Variants in SNW1 observed in about 807,000 individuals in gnomAD.
SNW1 encodes the protein SNW domain-containing protein 1.
In SNW1, 9 loss-of-function variants were observed where a neutral mutation model predicts 75.6. That is an observed-to-expected ratio of 0.12 (90% confidence interval 0.07 to 0.21). The LOEUF is 0.21. Among genes scored for constraint, SNW1 ranks in the 10% least tolerant of loss-of-function variants. The pLI is 1.00. For missense variants in SNW1, 409 were observed against 670.9 expected (o/e 0.61, Z 4.31); for synonymous variants, 200 against 219.1 (o/e 0.91, Z 0.77).
intron 1 of SNW1, among the ~76,000 whole-genome samples, chr14:77,757,916 A>AGTC (rs2080853583): frequency 7.2e-6 from 1 of 138,506 alleles, no homozygotes; most frequent in African/African-American, 2.8e-5. Context: ...AAATCAATCT[A>AGTC]ATCATCTATC....
intron 10 of SNW1, among the ~76,000 whole-genome samples, chr14:77,723,706 A>G (rs150884199): frequency 0.17 from 25,391 of 151,848 alleles, 2,440 homozygotes; most frequent in Non-Finnish European, 0.22. Context: ...CCAGGCTGGA[A>G]TGCAGTGGCG....
At chr14:77,754,039 TATTTTTA>T (rs2080826769) in intron 2 of SNW1, among the ~76,000 whole-genome samples, 1 of 151,956 alleles carries the variant, frequency 6.6e-6, no homozygotes. Flanking sequence ...TTGTTCTTTT[TATTTTTA>T]TTTTTTATTT....
At chr14:77,750,697 T>C (rs1317206007) in intron 3 of SNW1, among the ~76,000 whole-genome samples, 1 of 152,114 alleles carries the variant, frequency 6.6e-6, no homozygotes, top group African/African-American at 2.4e-5. Flanking sequence ...TTCTTAAAAA[T>C]AGTTCCTTGG....
intron 12 of SNW1, chr14:77,720,386 C>T (rs1258107188): frequency 4.2e-5 from 27 of 637,444 alleles, no homozygotes; most frequent in Middle Eastern, 5.0e-4. Context: ...CTGCCCGCTT[C>T]GGCCTCCAAA....
At chr14:77,725,133 T>A (rs903524246) in intron 10 of SNW1, among the ~76,000 whole-genome samples, 3 of 152,248 alleles carry the variant, frequency 2.0e-5, no homozygotes, top group Non-Finnish European at 2.9e-5. Context: ...CTGTTGGCCA[T>A]AAGTATGTCT....
intron 3 of SNW1, among the ~76,000 whole-genome samples, chr14:77,739,977 A>G (rs1017643750): frequency 2.0e-5 from 3 of 151,946 alleles, no homozygotes; most frequent in Admixed American, 2.0e-4. Flanking sequence ...TACTAAAAAT[A>G]CAAAAAATTA....
chr14:77,746,746 G>A (rs1467693748), intron 3 of SNW1, among the ~76,000 whole-genome samples: 1 of 151,666 alleles, frequency 6.6e-6, no homozygotes, highest in Non-Finnish European at 1.5e-5. Flanking sequence ...TGTCAAATGT[G>A]TTAAGTAAAA....
At position 77,720,702 on chromosome 14, in the gene SNW1, A is replaced by AAC; in HGVS notation, c.1248+7_1248+8dup. 1 of 1,564,972 alleles carries AAC rather than the reference A, an allele frequency of 6.4e-7. No individual in the cohort carries two copies. The highest frequency in any genetic ancestry group is 2.2e-5 in the East Asian group (1 of 44,614). Reference sequence around the variant, plus strand: ...CAACACACACAATATGCTGTTCCTAAACTTGTACCTTGGATTGGTTGAAGA... The same window carrying AAC: ...CAACACACACAATATGCTGTTCCTAAACACTTGTACCTTGGATTGGTTGAAGA... On this transcript the variant is annotated intron_variant, in intron 12 of 13. Transcript: ENST00000261531.
rs552233523 is a variant in SNW1 at position 77,741,997 on chromosome 14, G to A, written c.331-2936C>T. Among the ~76,000 whole-genome samples, 3 of 151,914 alleles carry A rather than the reference G, an allele frequency of 2.0e-5. No individual in the cohort carries two copies. The South Asian group carries it at 6.2e-4, about 32-fold the overall frequency. Reference sequence around the variant, plus strand: ...AGGCTGAGTGAAGGACATCTGAAGAGCAAGATTCCTCCATAGTAATTAATT... The same window carrying A: ...AGGCTGAGTGAAGGACATCTGAAGAACAAGATTCCTCCATAGTAATTAATT... On this transcript the variant is annotated intron_variant, in intron 3 of 13. Transcript: ENST00000261531.
intron 9 of SNW1, 66 bp from the exon 10 acceptor site, chr14:77,731,195 A>T (rs2139903115): frequency 6.6e-7 from 1 of 1,523,950 alleles, no homozygotes; most frequent in East Asian, 2.3e-5. Flanking sequence ...CTATCATCCA[A>T]CTCCCTAACA....
intron 3 of SNW1, among the ~76,000 whole-genome samples, chr14:77,746,192 C>T (rs1441152837): frequency 6.6e-6 from 1 of 152,172 alleles, no homozygotes; most frequent in Non-Finnish European, 1.5e-5. Flanking sequence ...AGTCCTTACC[C>T]TAAAGACCAT....
rs751072475 is a variant in SNW1, at chr14:77,739,104, CG to C, written c.331-44del. ...AAGCAGGCTTAAGAAAAGCAAACAA[CG>C]AAAAGAAACCTCATTAGCCATTTCA... On this transcript the variant is annotated intron_variant, in intron 3 of 13. Transcript: ENST00000261531. The C allele has an allele frequency of 2.8e-6, 4 of 1,431,434 alleles. No individual in the cohort carries two copies. The South Asian group carries it at 4.6e-5, about 16-fold the overall frequency. The allele number at this position is 1,431,434 out of a possible 1,614,324, so 88.7% of individuals were successfully genotyped here.
chr14:77,735,891 A>AT, intron 7 of SNW1, 46 bp downstream of exon 7: 1 of 1,477,532 alleles, frequency 6.8e-7, no homozygotes, highest in East Asian at 2.3e-5. Context: ...TATAAAATTA[A>AT]TAACCATGAG....
At chr14:77,735,068 C>T in intron 7 of SNW1, 56 bp from the exon 8 acceptor site, 1 of 1,283,666 alleles carries the variant, frequency 7.8e-7, no homozygotes, top group Non-Finnish European at 1.1e-6. Flanking sequence ...CAAAGTAAAT[C>T]TAAGTATAAT....
At chr14:77,730,228 C>T (rs770359415) in intron 10 of SNW1, among the ~76,000 whole-genome samples, 8 of 152,150 alleles carry the variant, frequency 5.3e-5, no homozygotes, top group Non-Finnish European at 8.8e-5. Context: ...ATCCTCTTTC[C>T]CTGTATTATT....
rs140337892 is a variant in SNW1 at position 77,732,789 on chromosome 14, C to T, written c.775-188G>A. Among the ~76,000 whole-genome samples the T allele has an allele frequency of 8.5e-4, 130 of 152,256 alleles. 1 individual carries two copies. In the East Asian group the frequency reaches 9.3e-3, roughly 11 times the overall value. On this transcript the variant is annotated intron_variant, in intron 8 of 13. Transcript: ENST00000261531. The stretch of plus-strand genomic sequence containing the variant: ...AAGCGAGTCTCCTACCTCAGCCTCC[C>T]GAGTAGCTGGGACCATAGGCGTGCG...
At chr14:77,760,760 A>G (rs1263637759) in intron 1 of SNW1, 2 of 703,606 alleles carry the variant, frequency 2.8e-6, no homozygotes, top group Admixed American at 2.0e-5. Context: ...CTCCGCCCAA[A>G]TAAGCCACTA....
intron 6 of SNW1, 102 bp downstream of exon 6, chr14:77,736,856 TAAATGGAATCATA>T (rs2080676851): frequency 1.4e-6 from 1 of 724,880 alleles, no homozygotes; most frequent in Non-Finnish European, 2.4e-6. Context: ...GAGTTTTAGA[TAAATGGAATCATA>T]CTGTATGTAC....
At chr14:77,742,583 T>A (rs924756523) in intron 3 of SNW1, among the ~76,000 whole-genome samples, 3 of 152,090 alleles carry the variant, frequency 2.0e-5, no homozygotes, top group Non-Finnish European at 4.4e-5. Flanking sequence ...CTATGTGAGG[T>A]AGAAAGAAAA....
Sources: gnomAD v4.1 joint callset for allele counts (sites outside exome capture counted in the v4.1 genomes callset) on GRCh38, gnomAD v4.1.1 for gene constraint, MANE v1.5 for transcripts, NCBI Gene and HGNC (gene_info 2026-07-23, HGNC 2026-07-21) for gene names.